RPL36A: variants seen among roughly 807,000 people sequenced by gnomAD.
RPL36A encodes large ribosomal subunit protein eL42.
For missense variants in RPL36A, 20 were observed against 81.0 expected (o/e 0.25, Z 2.89); for synonymous variants, 25 against 28.5 (o/e 0.88, Z 0.39).
intron 4 of RPL36A, 87 bp downstream of exon 4, chrX:101,395,544 CA>C (rs1927993782): frequency 8.8e-7 from 1 of 1,133,285 alleles, no homozygotes; most frequent in South Asian, 2.1e-5. Context: ...GCATAGAGCT[CA>C]GGGGTAATCC....
rs1928004015 is a variant in RPL36A, at chrX:101,395,776, A to T, written c.*28A>T. The T allele has an allele frequency of 8.5e-7, 1 of 1,174,285 alleles. No individual in the cohort carries two copies. The highest frequency in any genetic ancestry group is 2.2e-5 in the Admixed American group (1 of 45,127). On this transcript the variant is annotated 3_prime_UTR_variant, in exon 5 of 5. Transcript: ENST00000553110. ...GTCATCTTTTATTATGAAGACAATA[A>T]AATCTTGAGTTTATGTTCACTTCAT...
At chrX:101,392,209 C>G in intron 3 of RPL36A, 1 of 962,398 alleles carries the variant, frequency 1.0e-6, no homozygotes, top group Non-Finnish European at 1.3e-6. Flanking sequence ...TCACAGAAAT[C>G]TGCAGTCAAC....
At chrX:101,393,617 T>A (rs1747249070) in intron 3 of RPL36A, 1 of 112,039 alleles carries the variant, frequency 8.9e-6, no homozygotes, top group South Asian at 3.7e-4. Context: ...ATATATACCC[T>A]TGATAAGGTG....
chrX:101,395,418 A>G lies in RPL36A; in HGVS notation c.261A>G (p.Arg87=). 2 of 1,210,262 alleles carry G rather than the reference A, an allele frequency of 1.7e-6. No homozygotes were observed. The highest frequency in any genetic ancestry group is 2.2e-6 in the Non-Finnish European group (2 of 895,172). ...CRSKRMLAIK[R]CKHFELGGDK... is the part of the protein sequence containing the mutation. ...CTAAGAGAATGCTGGCTATTAAAAGATGCAAGCATTTTGAACTGGGAGGAG... is the reference window on the plus strand; with the variant it reads ...CTAAGAGAATGCTGGCTATTAAAAGGTGCAAGCATTTTGAACTGGGAGGAG... The change falls in exon 4 of 5, where the codon AGA becomes AGG. Residue 87 remains arginine (R), a synonymous_variant. Transcript: ENST00000553110.
At chrX:101,391,088 CT>C (rs782014454) in intron 1 of RPL36A, 42 bp downstream of exon 1, 6 of 1,179,221 alleles carry the variant, frequency 5.1e-6, no homozygotes, top group South Asian at 1.8e-5. Flanking sequence ...CCAGCTTAAT[CT>C]TTCCCCCCCT....
chrX:101,392,738 C>T, intron 3 of RPL36A: 3 of 391,943 alleles, frequency 7.7e-6, no homozygotes, highest in Non-Finnish European at 9.7e-6. Flanking sequence ...AAAGAGATAT[C>T]TGCACTCCTA....
chrX:101,392,174 C>G (rs782119358), intron 3 of RPL36A: 1 of 1,010,047 alleles, frequency 9.9e-7, no homozygotes, highest in South Asian at 2.1e-5. Context: ...GTTGGTTGCA[C>G]TAAGAATTGT....
chrX:101,394,941 A>G (rs1927970556), intron 3 of RPL36A, among the ~76,000 whole-genome samples: 1 of 104,383 alleles, frequency 9.6e-6, no homozygotes, highest in Non-Finnish European at 2.0e-5. Context: ...GACACGTGCC[A>G]CCATGCCCGG....
chrX:101,392,061 T>A, intron 3 of RPL36A: 1 of 1,150,380 alleles, frequency 8.7e-7, no homozygotes, highest in Admixed American at 2.6e-5. Flanking sequence ...GGCAAAAAAT[T>A]GAGGAATGTG....
chrX:101,395,944 T>C lies in RPL36A; in HGVS notation c.*196T>C. ...GAGTTCACATCATATGTTGCAATTTTCTAATTTGGCACTTCAATCACTAGG... is the reference window on the plus strand; with the variant it reads ...GAGTTCACATCATATGTTGCAATTTCCTAATTTGGCACTTCAATCACTAGG... On this transcript the variant is annotated 3_prime_UTR_variant, in exon 5 of 5. Coordinates refer to ENST00000553110, the MANE Select transcript of RPL36A (RefSeq NM_021029.6). The C allele has an allele frequency of 2.3e-6, 1 of 426,808 alleles. No individual in the cohort carries two copies. The highest frequency in any genetic ancestry group is 4.1e-5 in the South Asian group (1 of 24,553). The allele number at this position is 426,808 out of a possible 1,213,427, so 35.2% of individuals were successfully genotyped here.
In RPL36A at chrX:101,391,054, T is replaced by C. The variant is rs1555983312; in HGVS notation, c.3+8T>C. 1.7e-6 allele frequency: 2 copies of C among 1,209,146 alleles called. No homozygotes were observed. Among genetic ancestry groups the C allele is most frequent in the South Asian group, 3.5e-5 (2 of 56,962 alleles). On this transcript the variant is annotated splice_region_variant and intron_variant, in intron 1 of 4. Coordinates refer to ENST00000553110, the MANE Select transcript of RPL36A (RefSeq NM_021029.6). The stretch of plus-strand genomic sequence containing the variant: ...AGCGCTCACGCAAGCATGGTAGGAC[T>C]TGCTGGTGGGGGCCGAGTAACATCC...
At chrX:101,394,014 A>G (rs1441524620) in intron 3 of RPL36A, among the ~76,000 whole-genome samples, 1 of 112,260 alleles carries the variant, frequency 8.9e-6, no homozygotes, top group African/African-American at 3.2e-5. Context: ...CTTGTAAACA[A>G]TAGTTCTGTT....
In RPL36A at chrX:101,392,571, A is replaced by G. The variant is rs3027594; in HGVS notation, c.177+749A>G. ...AACTTGTTTAGAAGACAGAGGTTCT[A>G]ACTAGGTTTTGGCCTATTAAGAACT... On this transcript the variant is annotated intron_variant, in intron 3 of 4. Transcript: ENST00000553110. 13 of 752,643 alleles carry G rather than the reference A, an allele frequency of 1.7e-5. No homozygotes were observed. In the South Asian group the frequency reaches 7.4e-4, roughly 43 times the overall value. 62.0% of individuals were successfully genotyped at this position (752,643 alleles called of 1,213,427 possible). A position where few individuals can be genotyped will look rare whatever the true frequency, so the allele number is the denominator to read the frequency against.
intron 2 of RPL36A, 24 bp downstream of exon 2, chrX:101,391,588 G>A (rs1327581897): frequency 5.8e-6 from 7 of 1,205,823 alleles, no homozygotes; most frequent in Non-Finnish European, 7.9e-6. Flanking sequence ...CGCATAATTT[G>A]GTGTTAATGT....
rs1555983466 is a variant in RPL36A, at chrX:101,391,782, G to C, written c.137G>C (p.Ser46Thr). 1 of 1,210,625 alleles carries C rather than the reference G, an allele frequency of 8.3e-7. No homozygotes were observed. The highest frequency in any genetic ancestry group is 1.8e-5 in the South Asian group (1 of 56,545). The change falls in exon 3 of 5, where the codon AGT becomes ACT. Residue 46 changes from serine (S) to threonine (T), a missense_variant. Coordinates refer to ENST00000553110, the MANE Select transcript of RPL36A (RefSeq NM_021029.6). ...QGKRRYDRKQ[S>T]GYGGQTKPIF... is the part of the protein sequence containing the mutation. Reference sequence around the variant, plus strand: ...AAGCGGCGTTATGACAGGAAGCAGAGTGGCTATGGTGGGCAAACTAAGCCG... The same window carrying C: ...AAGCGGCGTTATGACAGGAAGCAGACTGGCTATGGTGGGCAAACTAAGCCG...
intron 3 of RPL36A, 162 bp downstream of exon 3, chrX:101,391,984 G>A (rs952574072): frequency 8.5e-7 from 1 of 1,171,737 alleles, no homozygotes; most frequent in East Asian, 3.2e-5. Context: ...TGCAACTCAT[G>A]TCTGACTAGT....
chrX:101,391,545 G>A lies in RPL36A; in HGVS notation c.90G>A (p.Lys30=), dbSNP rs1555983419. Residue 30 remains lysine, a synonymous_variant, in exon 2 of 5, where the codon AAG becomes AAA. Transcript: ENST00000553110. ...AAGTGACACAGTACAAGAAGGGCAA[G>A]GATTCTCTGTACGCCCAGGGTAAGA... ...PHKVTQYKKG[K]DSLYAQGKRR... is the part of the protein sequence containing the mutation. 2 of 1,211,844 alleles carry A rather than the reference G, an allele frequency of 1.7e-6. No homozygotes were observed. The highest frequency in any genetic ancestry group is 2.2e-6 in the Non-Finnish European group (2 of 895,385).
intron 3 of RPL36A, among the ~76,000 whole-genome samples, chrX:101,394,931 G>A (rs1487685312): frequency 4.8e-5 from 5 of 103,980 alleles, no homozygotes; most frequent in African/African-American, 1.7e-4. Flanking sequence ...TGGGATTATA[G>A]ACACGTGCCA....
At chrX:101,393,371 T>C (rs1205948439) in intron 3 of RPL36A, 1 of 109,942 alleles carries the variant, frequency 9.1e-6, no homozygotes, top group African/African-American at 3.3e-5. Flanking sequence ...TGGCGGGAGG[T>C]GGGGATGGTT....
Sources: allele counts gnomAD v4.1 joint callset (sites outside exome capture counted in the v4.1 genomes callset), GRCh38; gene constraint gnomAD v4.1.1; transcripts MANE v1.5; gene names NCBI Gene and HGNC (gene_info 2026-07-23, HGNC 2026-07-21).